FLRT2: variants seen among roughly 807,000 people sequenced by gnomAD.
The protein encoded by FLRT2 is fibronectin leucine rich transmembrane protein 2, also known as leucine-rich repeat transmembrane protein FLRT2.
A neutral mutation model predicts 40.0 loss-of-function variants in FLRT2; 15 were observed. The ratio of observed to expected loss-of-function variants is 0.38; its 90% CI spans 0.25 to 0.58. The LOEUF is 0.58. FLRT2 is among the 20% of genes least tolerant of loss of function. The pLI is 0.71. For synonymous variants in FLRT2, 380 were observed against 336.8 expected (o/e 1.13, Z -1.41); for missense variants, 726 against 840.0 (o/e 0.86, Z 1.68).
chr14:85,581,110 C>T (rs1294643253), intron 1 of FLRT2, among the ~76,000 whole-genome samples: 1 of 152,164 alleles, frequency 6.6e-6, no homozygotes, highest in Non-Finnish European at 1.5e-5. Flanking sequence ...GAAACCCATG[C>T]CTTCTAATTG....
At chr14:85,572,085 C>A (rs747159867) in intron 1 of FLRT2, among the ~76,000 whole-genome samples, 36 of 152,322 alleles carry the variant, frequency 2.4e-4, no homozygotes, top group South Asian at 4.1e-4. Flanking sequence ...GTCTGGCATT[C>A]ACTGCTACAA....
intron 1 of FLRT2, among the ~76,000 whole-genome samples, chr14:85,553,303 G>A (rs1461102316): frequency 6.6e-6 from 1 of 152,106 alleles, no homozygotes; most frequent in Non-Finnish European, 1.5e-5. Context: ...TTTAGTAGTG[G>A]CCAACTTTTA....
chr14:85,564,653 C>T lies in FLRT2; in HGVS notation c.-377+34119C>T, dbSNP rs375615789. 3.9e-5 allele frequency among the ~76,000 whole-genome samples: 6 copies of T among 152,126 alleles called. No homozygotes were observed. In the East Asian group the frequency reaches 5.8e-4, roughly 15 times the overall value. ...GAAAGTAAGATTCTGTCATGCACAC[C>T]GTTTTCTGTGTCTTTTGAAGACGTG... On this transcript the variant is annotated intron_variant, in intron 1 of 1. Coordinates refer to ENST00000330753, the MANE Select transcript of FLRT2 (RefSeq NM_013231.6).
At chr14:85,597,839 T>C (rs146000046) in intron 1 of FLRT2, among the ~76,000 whole-genome samples, 1 of 152,252 alleles carries the variant, frequency 6.6e-6, no homozygotes, top group Non-Finnish European at 1.5e-5. Flanking sequence ...GAGTGAATTA[T>C]GTGGAAACGT....
At chr14:85,578,130 GTA>G (rs1189887714) in intron 1 of FLRT2, among the ~76,000 whole-genome samples, 1 of 140,582 alleles carries the variant, frequency 7.1e-6, no homozygotes, top group South Asian at 2.2e-4. Flanking sequence ...AAAAATATCT[GTA>G]TATATATATT....
At chr14:85,591,924 A>T (rs747513403) in intron 1 of FLRT2, among the ~76,000 whole-genome samples, 4 of 152,242 alleles carry the variant, frequency 2.6e-5, no homozygotes, top group Non-Finnish European at 5.9e-5. Flanking sequence ...AAGAGGCATT[A>T]TGCTTATATA....
chr14:85,621,457 ATT>A lies in FLRT2; in HGVS notation c.-49_-48del. On this transcript the variant is annotated 5_prime_UTR_variant, in exon 2 of 2. Coordinates refer to ENST00000330753, the MANE Select transcript of FLRT2 (RefSeq NM_013231.6). ...TCCAGTCATTTTGATTTTGCTGTTT[ATT>A]TTTTTTTTCTTTTTCTTTTTCCCAC... is the stretch of plus-strand genomic sequence containing the variant. 7.3e-7 allele frequency: 1 copy of A among 1,369,718 alleles called. No individual in the cohort carries two copies. 84.8% of individuals were successfully genotyped at this position (1,369,718 alleles called of 1,614,324 possible).
chr14:85,538,007 T>C (rs150876108), intron 1 of FLRT2, among the ~76,000 whole-genome samples: 58 of 152,320 alleles, frequency 3.8e-4, no homozygotes, highest in African/African-American at 1.3e-3. Flanking sequence ...GAGTTAATGA[T>C]GCAGAAAAAG....
chr14:85,593,983 A>C (rs1187950198), intron 1 of FLRT2, among the ~76,000 whole-genome samples: 1 of 152,140 alleles, frequency 6.6e-6, no homozygotes, highest in Non-Finnish European at 1.5e-5. Flanking sequence ...CAGAGGTTGC[A>C]GTGAGCCGAG....
chr14:85,534,038 G>C (rs1007611859), intron 1 of FLRT2, among the ~76,000 whole-genome samples: 4 of 151,938 alleles, frequency 2.6e-5, no homozygotes. Context: ...CCGCCGCTGC[G>C]CTCCCGCTTC....
intron 1 of FLRT2, among the ~76,000 whole-genome samples, chr14:85,604,884 C>T (rs1425486138): frequency 6.6e-6 from 1 of 152,086 alleles, no homozygotes; most frequent in Non-Finnish European, 1.5e-5. Context: ...AATAGGAAGA[C>T]ATTTGGTCCT....
At position 85,622,947 on chromosome 14, in the gene FLRT2, T is replaced by C; in HGVS notation, c.1433T>C (p.Leu478Pro). The C allele has an allele frequency of 6.2e-7, 1 of 1,614,182 alleles. No homozygotes were observed. Among genetic ancestry groups the C allele is most frequent in the Non-Finnish European group, 8.5e-7 (1 of 1,180,024 alleles). ...ATAGTCAGCGGTGAGAAGCAACACC[T>C]GAGCCTGGTTAACTTAGAGCCCCGA... Reference protein sequence around the residue: ...ERIVSGEKQHLSLVNLEPRST... With the variant: ...ERIVSGEKQHPSLVNLEPRST... Residue 478 changes from leucine to proline, a missense_variant, in exon 2 of 2, where the codon CTG (leucine) becomes CCG (proline). Transcript: ENST00000330753.
intron 1 of FLRT2, among the ~76,000 whole-genome samples, chr14:85,576,302 A>T (rs1873095213): frequency 6.6e-6 from 1 of 152,062 alleles, no homozygotes; most frequent in Non-Finnish European, 1.5e-5. Context: ...AGAGCTGTGT[A>T]TTTCCATTAC....
At chr14:85,616,596 T>TA (rs1393570850) in intron 1 of FLRT2, among the ~76,000 whole-genome samples, 4 of 152,178 alleles carry the variant, frequency 2.6e-5, no homozygotes, top group Non-Finnish European at 4.4e-5. Context: ...GTGCAGAACT[T>TA]ACATTTCTTC....
chr14:85,533,502 T>C (rs576286366), intron 1 of FLRT2, among the ~76,000 whole-genome samples: 1 of 151,788 alleles, frequency 6.6e-6, no homozygotes, highest in African/African-American at 2.4e-5. Flanking sequence ...TCCCGCCGAG[T>C]CCCGGGATCC....
chr14:85,614,799 C>T (rs776485085), intron 1 of FLRT2, among the ~76,000 whole-genome samples: 5 of 151,946 alleles, frequency 3.3e-5, no homozygotes, highest in Non-Finnish European at 5.9e-5. Context: ...AGGTTACTGT[C>T]TAAAAAATCA....
Position 85,623,560 on chromosome 14 carries a change from C to T in FLRT2, c.*63C>T. On this transcript the variant is annotated 3_prime_UTR_variant, in exon 2 of 2. Coordinates refer to ENST00000330753, the MANE Select transcript of FLRT2 (RefSeq NM_013231.6). ...ACTCTTGAGAACACACTCGTGTGTG[C>T]ACATAAAGACACGCAGATTACATTT... The T allele has an allele frequency of 8.1e-7, 1 of 1,239,010 alleles. No homozygotes were observed. The highest frequency in any genetic ancestry group is 1.1e-6 in the Non-Finnish European group (1 of 938,754). The allele number at this position is 1,239,010 out of a possible 1,614,324, so 76.8% of individuals were successfully genotyped here. A position where few individuals can be genotyped will look rare whatever the true frequency, so the allele number is the denominator to read the frequency against.
At chr14:85,596,729 G>A (rs887386009) in intron 1 of FLRT2, among the ~76,000 whole-genome samples, 4 of 152,172 alleles carry the variant, frequency 2.6e-5, no homozygotes, top group African/African-American at 9.7e-5. Context: ...TTTCACAGGT[G>A]AGCAGTTACT....
In FLRT2 at chr14:85,637,345, A is replaced by C. The variant is rs1479669630; in HGVS notation, c.*13848A>C. ...CATTAGCTTTGGCGTTCAAATATTG[A>C]CTCATTCACTTACCAGCTGTGTTCT... On this transcript the variant is annotated 3_prime_UTR_variant, in exon 2 of 2. Coordinates refer to ENST00000330753, the MANE Select transcript of FLRT2 (RefSeq NM_013231.6). 6.6e-6 allele frequency: 1 copy of C among 152,116 alleles called. No homozygotes were observed. Among genetic ancestry groups the C allele is most frequent in the Non-Finnish European group, 1.5e-5 (1 of 68,022 alleles). 9.4% of individuals were successfully genotyped at this position (152,116 alleles called of 1,614,324 possible).
Sources: gnomAD v4.1 joint callset for allele counts (sites outside exome capture counted in the v4.1 genomes callset) on GRCh38, gnomAD v4.1.1 for gene constraint, MANE v1.5 for transcripts, NCBI Gene and HGNC (gene_info 2026-07-23, HGNC 2026-07-21) for gene names.